YEATS4: variants seen among roughly 807,000 people sequenced by gnomAD.
The protein encoded by YEATS4 is YEATS domain containing 4.
YEATS4 carries 17 observed loss-of-function variants against 30.1 expected under a neutral mutation model. The observed-to-expected ratio is 0.56, with a 90% CI of 0.39 to 0.85. The LOEUF (loss-of-function observed/expected upper bound fraction) is 0.85, where lower values mean the gene tolerates loss of function less well. Among genes scored for constraint, YEATS4 ranks in the 40% least tolerant of loss-of-function variants. YEATS4 has a pLI of 0.00. For synonymous variants in YEATS4, 85 were observed against 87.5 expected, an observed-to-expected ratio of 0.97 and a Z score of 0.16; for missense variants, 142 against 268.3, an observed-to-expected ratio of 0.53 and a Z score of 3.29.
intron 6 of YEATS4, among the ~76,000 whole-genome samples, chr12:69,388,110 GGA>G (rs1467258318): frequency 3.3e-5 from 5 of 150,956 alleles, no homozygotes; most frequent in Admixed American, 3.3e-4. Context: ...CAGGCTGGAT[GGA>G]GTGCAGGGCG....
chr12:69,369,673 G>C (rs1460799150), intron 4 of YEATS4, among the ~76,000 whole-genome samples: 1 of 152,158 alleles, frequency 6.6e-6, no homozygotes, highest in African/African-American at 2.4e-5. Context: ...TCTGCTTTCT[G>C]TCTGTTCCAG....
At chr12:69,424,104 C>T in the YEATS4 span, among the ~76,000 whole-genome samples, 2 of 152,124 alleles carry the variant, frequency 1.3e-5, no homozygotes, top group African/African-American at 4.8e-5. Flanking sequence ...GAAAGCAGGA[C>T]AGAATAAAGA....
chr12:69,377,942 T>A (rs1265939272), intron 6 of YEATS4, among the ~76,000 whole-genome samples: 1 of 152,216 alleles, frequency 6.6e-6, no homozygotes, highest in Non-Finnish European at 1.5e-5. Context: ...GAAAGTTGGA[T>A]GTTGGCGATG....
At chr12:69,396,913 C>T in the YEATS4 span, among the ~76,000 whole-genome samples, 1 of 152,162 alleles carries the variant, frequency 6.6e-6, no homozygotes, top group Non-Finnish European at 1.5e-5. Flanking sequence ...CTATATACTA[C>T]TGCGAGTTTA....
At chr12:69,371,303 A>C (rs1041068633) in intron 6 of YEATS4, among the ~76,000 whole-genome samples, 10 of 152,226 alleles carry the variant, frequency 6.6e-5, no homozygotes, top group African/African-American at 2.2e-4. Flanking sequence ...TGCTAACAAA[A>C]TCTGTGTGAA....
chr12:69,410,806 CACATGCA>C, the YEATS4 span, among the ~76,000 whole-genome samples: 1 of 152,154 alleles, frequency 6.6e-6, no homozygotes, highest in Non-Finnish European at 1.5e-5. Context: ...CCATCAAGAC[CACATGCA>C]CAGGGCCACA....
At chr12:69,418,468 A>G in the YEATS4 span, among the ~76,000 whole-genome samples, 1 of 152,030 alleles carries the variant, frequency 6.6e-6, no homozygotes, top group Non-Finnish European at 1.5e-5. Flanking sequence ...AACATTGTTT[A>G]TTGGTTTTCT....
At chr12:69,394,325 G>T (rs893031347), downstream of YEATS4, among the ~76,000 whole-genome samples, 2 of 152,154 alleles carry the variant, frequency 1.3e-5, no homozygotes, top group African/African-American at 2.4e-5. Flanking sequence ...GGACATATAT[G>T]TGTCTAAAGC....
intron 6 of YEATS4, among the ~76,000 whole-genome samples, chr12:69,375,067 G>A (rs1365123766): frequency 6.6e-6 from 1 of 151,308 alleles, no homozygotes; most frequent in Non-Finnish European, 1.5e-5. Flanking sequence ...CCTCCCGGAG[G>A]GGGCGGCTGC....
At chr12:69,416,764 G>C in the YEATS4 span, among the ~76,000 whole-genome samples, 1 of 152,206 alleles carries the variant, frequency 6.6e-6, no homozygotes, top group Admixed American at 6.5e-5. Flanking sequence ...TATGGTGAGA[G>C]ATGAACAGTC....
intron 1 of YEATS4, 132 bp downstream of exon 1, chr12:69,360,155 G>T (rs1173770994): frequency 9.4e-7 from 1 of 1,060,494 alleles, no homozygotes; most frequent in East Asian, 3.0e-5. Context: ...TTTCAGGTTG[G>T]AGAGCGAGTC....
At chr12:69,419,918 T>C in the YEATS4 span, among the ~76,000 whole-genome samples, 1 of 152,028 alleles carries the variant, frequency 6.6e-6, no homozygotes, top group South Asian at 2.1e-4. Context: ...GTTGCCCAGG[T>C]GATGTTAGGT....
chr12:69,415,102 A>C, the YEATS4 span, among the ~76,000 whole-genome samples: 1 of 152,164 alleles, frequency 6.6e-6, no homozygotes, highest in Non-Finnish European at 1.5e-5. Flanking sequence ...TTGCCTACAT[A>C]AGGAGCAGCA....
intron 2 of YEATS4, among the ~76,000 whole-genome samples, chr12:69,364,467 A>G (rs1837627771): frequency 6.6e-6 from 1 of 152,216 alleles, no homozygotes; most frequent in African/African-American, 2.4e-5. Flanking sequence ...AATGAATTAT[A>G]TATTTTAAAA....
chr12:69,420,056 T>G, the YEATS4 span, among the ~76,000 whole-genome samples: 1 of 152,104 alleles, frequency 6.6e-6, no homozygotes, highest in African/African-American at 2.4e-5. Context: ...GCACCAACAG[T>G]GGTGTGGAAA....
chr12:69,413,882 CAG>C, the YEATS4 span, among the ~76,000 whole-genome samples: 6 of 149,664 alleles, frequency 4.0e-5, no homozygotes, highest in African/African-American at 1.5e-4. Context: ...AAAAGAAAAA[CAG>C]AAAAGGCATG....
chr12:69,411,244 C>T, the YEATS4 span, among the ~76,000 whole-genome samples: 2 of 152,178 alleles, frequency 1.3e-5, no homozygotes, highest in Non-Finnish European at 1.5e-5. Flanking sequence ...ATCCTCCCAC[C>T]TCAGCCTCCC....
chr12:69,367,287 T>C (rs1875471735), intron 4 of YEATS4, among the ~76,000 whole-genome samples: 1 of 152,240 alleles, frequency 6.6e-6, no homozygotes, highest in African/African-American at 2.4e-5. Flanking sequence ...TTTTGTGTTT[T>C]CATGTGATGA....
the YEATS4 span, chr12:69,423,116 G>A: frequency 1.3e-5 from 2 of 152,210 alleles, no homozygotes; most frequent in African/African-American, 4.8e-5. Flanking sequence ...CAAAGCCTGG[G>A]CTTTATGCTG....
Sources: allele counts gnomAD v4.1 joint callset (sites outside exome capture counted in the v4.1 genomes callset), GRCh38; gene constraint gnomAD v4.1.1; transcripts MANE v1.5; gene names NCBI Gene and HGNC (gene_info 2026-07-23, HGNC 2026-07-21).